Variants in PTPN14 observed in about 807,000 individuals in gnomAD.
PTPN14 encodes the protein tyrosine-protein phosphatase non-receptor type 14.
Under a neutral mutation model 126.8 loss-of-function variants are expected in PTPN14, and 53 were observed. The observed-to-expected ratio is 0.42, with a 90% CI of 0.34 to 0.53. The LOEUF (loss-of-function observed/expected upper bound fraction) is 0.53. Among genes scored for constraint, PTPN14 ranks in the 20% least tolerant of loss-of-function variants. The pLI, the probability that PTPN14 is intolerant of heterozygous loss-of-function variation, is 0.08. For missense variants in PTPN14, 1,257 were observed against 1,552.9 expected (o/e 0.81, Z 3.20); for synonymous variants, 630 against 599.3 (o/e 1.05, Z -0.75).
chr1:214,439,795 G>C (rs1414571483), intron 3 of PTPN14, among the ~76,000 whole-genome samples: 2 of 152,158 alleles, frequency 1.3e-5, no homozygotes, highest in Non-Finnish European at 2.9e-5. Flanking sequence ...AGGACTCAGT[G>C]TCATCTGAAA....
chr1:214,506,458 A>G (rs990811075), intron 1 of PTPN14, among the ~76,000 whole-genome samples: 2 of 152,108 alleles, frequency 1.3e-5, no homozygotes, highest in African/African-American at 2.4e-5. Flanking sequence ...TCAGGGCTGC[A>G]GTAAGTTGTG....
chr1:214,465,767 G>A (rs1414340384), intron 1 of PTPN14, among the ~76,000 whole-genome samples: 1 of 151,830 alleles, frequency 6.6e-6, no homozygotes. Flanking sequence ...AAAAAGTAAG[G>A]TTTAATGACT....
intron 1 of PTPN14, among the ~76,000 whole-genome samples, chr1:214,471,111 T>C (rs61819624): frequency 0.09 from 13,580 of 151,038 alleles, 635 homozygotes; most frequent in South Asian, 0.12. Context: ...GACTTTCACC[T>C]TTCCGTGATG....
chr1:214,441,892 G>C (rs1660043698), intron 3 of PTPN14, among the ~76,000 whole-genome samples: 1 of 152,032 alleles, frequency 6.6e-6, no homozygotes, highest in Non-Finnish European at 1.5e-5. Context: ...ATTATTTCAT[G>C]AGTTCAATTG....
At chr1:214,519,971 C>G (rs1571641591) in intron 1 of PTPN14, among the ~76,000 whole-genome samples, 1 of 148,650 alleles carries the variant, frequency 6.7e-6, no homozygotes, top group Non-Finnish European at 1.5e-5. Context: ...CCCTTGAGCC[C>G]GCGGGGTTCG....
chr1:214,411,777 C>A, intron 4 of PTPN14, 26 bp from the exon 5 acceptor site: 1 of 1,421,516 alleles, frequency 7.0e-7, no homozygotes, highest in Non-Finnish European at 9.7e-7. Flanking sequence ...GATGGAAGGG[C>A]AGTATTTATT....
chr1:214,492,766 G>T (rs1162705529), intron 1 of PTPN14, among the ~76,000 whole-genome samples: 2 of 152,052 alleles, frequency 1.3e-5, no homozygotes, highest in Non-Finnish European at 2.9e-5. Context: ...AAATTAGCTG[G>T]GGGTGGTGGT....
At chr1:214,449,011 CTT>C (rs71165970) in intron 3 of PTPN14, among the ~76,000 whole-genome samples, 3 of 112,410 alleles carry the variant, frequency 2.7e-5, no homozygotes. Flanking sequence ...CTTAATTTTT[CTT>C]TTTTTTTTTT....
At chr1:214,372,053 A>G (rs1462052394) in intron 16 of PTPN14, among the ~76,000 whole-genome samples, 29 of 152,230 alleles carry the variant, frequency 1.9e-4, no homozygotes, top group Non-Finnish European at 2.9e-5. Flanking sequence ...GAATGTGACA[A>G]GAGAAGAAAT....
chr1:214,435,683 CA>C (rs936063758), intron 3 of PTPN14, among the ~76,000 whole-genome samples: 9 of 152,078 alleles, frequency 5.9e-5, no homozygotes. Flanking sequence ...AAATGCAAAT[CA>C]AAACCACCAT....
At chr1:214,491,065 AAGAAAGAAAG>A (rs1361918337) in intron 1 of PTPN14, among the ~76,000 whole-genome samples, 2 of 150,756 alleles carry the variant, frequency 1.3e-5, no homozygotes, top group Admixed American at 1.3e-4. Context: ...AAAACAAAGA[AAGAAAGAAAG>A]AGAAAGAAAG....
intron 1 of PTPN14, among the ~76,000 whole-genome samples, chr1:214,534,540 C>G (rs1019489507): frequency 3.3e-5 from 5 of 151,764 alleles, no homozygotes; most frequent in Non-Finnish European, 5.9e-5. Flanking sequence ...GGTGAAACCC[C>G]GTCTCTACTA....
At chr1:214,508,837 G>A (rs1230960760) in intron 1 of PTPN14, among the ~76,000 whole-genome samples, 5 of 152,176 alleles carry the variant, frequency 3.3e-5, no homozygotes, top group South Asian at 2.1e-4. Flanking sequence ...TGAAAGCAAC[G>A]TTCATCTTCT....
intron 16 of PTPN14, 32 bp downstream of exon 16, chr1:214,372,679 A>T: frequency 6.2e-7 from 1 of 1,610,512 alleles, no homozygotes; most frequent in Non-Finnish European, 8.5e-7. Flanking sequence ...TCCCCTGGGG[A>T]AAAAGGATGT....
chr1:214,416,450 TG>T (rs1659427872), intron 3 of PTPN14, among the ~76,000 whole-genome samples: 1 of 152,254 alleles, frequency 6.6e-6, no homozygotes. Flanking sequence ...CTTAAAAATC[TG>T]CTGCTTCCAA....
At position 214,449,851 on chromosome 1, in the gene PTPN14, A is replaced by AT. The variant is rs1357642224; in HGVS notation, c.344+1953_344+1954insA. 1.9e-4 allele frequency among the ~76,000 whole-genome samples: 28 copies of AT among 145,962 alleles called. 1 individual carries two copies. The highest frequency in any genetic ancestry group is 1.4e-3 in the Admixed American group (21 of 15,038). ...TTTTGATTTAAAAATAAAAATAAAA[A>AT]AAAAAGGAAAGAACGAAAGTGAAAA... On this transcript the variant is annotated intron_variant, in intron 3 of 18. Coordinates refer to ENST00000366956, the MANE Select transcript of PTPN14 (RefSeq NM_005401.5).
chr1:214,379,113 G>T (rs1343619017), intron 13 of PTPN14, among the ~76,000 whole-genome samples: 2 of 152,168 alleles, frequency 1.3e-5, no homozygotes, highest in African/African-American at 4.8e-5. Flanking sequence ...GTGTGTCTTT[G>T]AAGTTAAGGG....
rs145815684 is a variant in PTPN14 at position 214,480,877 on chromosome 1, C to T, written c.-154-15920G>A. Among the ~76,000 whole-genome samples, 677 of 152,138 alleles carry T rather than the reference C, an allele frequency of 4.4e-3. 4 individuals carry two copies. Among genetic ancestry groups the T allele is most frequent in the African/African-American group, 0.015 (627 of 41,476 alleles). ...AAGGCACCCTCTCTGCCTACCAAGT[C>T]GTATGAAGTGATAGGTAAGGATATG... is the stretch of plus-strand genomic sequence containing the variant. On this transcript the variant is annotated intron_variant, in intron 1 of 18. Transcript: ENST00000366956.
intron 2 of PTPN14, among the ~76,000 whole-genome samples, chr1:214,455,039 T>C (rs769320119): frequency 1.3e-5 from 2 of 152,208 alleles, no homozygotes; most frequent in Non-Finnish European, 2.9e-5. Flanking sequence ...CCTCTAGCTA[T>C]TTTCCTACTC....
Sources: gnomAD v4.1 joint callset for allele counts (sites outside exome capture counted in the v4.1 genomes callset) on GRCh38, gnomAD v4.1.1 for gene constraint, MANE v1.5 for transcripts, NCBI Gene and HGNC (gene_info 2026-07-23, HGNC 2026-07-21) for gene names.